Variants in PMVK observed in about 807,000 individuals in gnomAD.
PMVK encodes the protein phosphomevalonate kinase.
PMVK carries 10 observed loss-of-function variants against 19.0 expected under a neutral mutation model. That is an observed-to-expected ratio of 0.53 (90% CI 0.32 to 0.89). The LOEUF is 0.89. Ranked by LOEUF, PMVK falls within the 40% of genes least tolerant of loss-of-function variation. The pLI is 0.03. For synonymous variants in PMVK, 108 were observed against 101.6 expected (o/e 1.06, Z -0.38); for missense variants, 222 against 251.1 (o/e 0.88, Z 0.78).
At chr1:154,927,106 A>G (rs984675579) in intron 3 of PMVK, among the ~76,000 whole-genome samples, 1 of 150,810 alleles carries the variant, frequency 6.6e-6, no homozygotes, top group Non-Finnish European at 1.5e-5. Flanking sequence ...CCTTCTCTCC[A>G]CTCTACGTTT....
intron 2 of PMVK, among the ~76,000 whole-genome samples, chr1:154,930,667 A>C: frequency 7.0e-6 from 1 of 143,476 alleles, no homozygotes; most frequent in African/African-American, 2.6e-5. Flanking sequence ...CTTCCCCTTC[A>C]CCCCTTCCTT....
At chr1:154,937,178 T>C (rs891731910), upstream of PMVK, among the ~76,000 whole-genome samples, 1 of 152,190 alleles carries the variant, frequency 6.6e-6, no homozygotes. Context: ...AACTGCCCTT[T>C]TGCCTGTGCG....
At chr1:154,925,407 C>T (rs1654118438) in intron 4 of PMVK, 142 bp from the exon 5 acceptor site, 1 of 805,790 alleles carries the variant, frequency 1.2e-6, no homozygotes, top group Non-Finnish European at 2.0e-6. Context: ...CCAGAAGGCA[C>T]CTCCCTACCC....
chr1:154,930,858 G>C (rs986827738), intron 2 of PMVK, among the ~76,000 whole-genome samples: 1 of 152,162 alleles, frequency 6.6e-6, no homozygotes, highest in South Asian at 2.1e-4. Context: ...GCCATAGTGG[G>C]AGGATCACTT....
the PMVK span, among the ~76,000 whole-genome samples, chr1:154,942,174 C>G: frequency 1.3e-5 from 2 of 152,174 alleles, no homozygotes; most frequent in African/African-American, 2.4e-5. Flanking sequence ...GCGGAAAAGG[C>G]AGAAAGCCAA....
chr1:154,925,519 G>A (rs1310377352), intron 4 of PMVK, among the ~76,000 whole-genome samples: 1 of 152,236 alleles, frequency 6.6e-6, no homozygotes, highest in East Asian at 1.9e-4. Flanking sequence ...TACAGAGGGT[G>A]AATCGGGTCA....
rs777906705 is a variant in PMVK, at chr1:154,925,282, G to A, written c.443-17C>T. Reference sequence around the variant, plus strand: ...CGTCCACCCCTATGAAGGAAGCATGGTGAGGTCAGGCCTCAGCCCTCCAGA... The same window carrying A: ...CGTCCACCCCTATGAAGGAAGCATGATGAGGTCAGGCCTCAGCCCTCCAGA... On this transcript the variant is annotated splice_polypyrimidine_tract_variant and intron_variant, in intron 4 of 4. Coordinates refer to ENST00000368467, the MANE Select transcript of PMVK (RefSeq NM_006556.4). 6 of 1,613,742 alleles carry A rather than the reference G, an allele frequency of 3.7e-6. No individual in the cohort carries two copies. The Admixed American group carries it at 5.0e-5, about 13-fold the overall frequency.
intron 3 of PMVK, among the ~76,000 whole-genome samples, chr1:154,927,545 C>T (rs1654205905): frequency 6.6e-6 from 1 of 151,642 alleles, no homozygotes; most frequent in Non-Finnish European, 1.5e-5. Context: ...TATGGCCAGG[C>T]TTCTCAATCT....
At chr1:154,937,390 CGAG>C (rs1654544402), upstream of PMVK, 2 of 152,216 alleles carry the variant, frequency 1.3e-5, no homozygotes, top group Admixed American at 1.3e-4. Flanking sequence ...TTAAGCCCGG[CGAG>C]AAACCTTTGA....
At position 154,925,077 on chromosome 1, in the gene PMVK, T is replaced by TC; in HGVS notation, c.*51dup. ...CGGGGGACACCCCCATTTTGCAGAG[T>TC]CAGCCCCACCCCCACCTCAGCAGGC... is the stretch of plus-strand genomic sequence containing the variant. On this transcript the variant is annotated 3_prime_UTR_variant, in exon 5 of 5. Transcript: ENST00000368467. The TC allele has an allele frequency of 7.4e-7, 1 of 1,347,836 alleles. No individual in the cohort carries two copies. Among genetic ancestry groups the TC allele is most frequent in the South Asian group, 1.2e-5 (1 of 81,146 alleles). The allele number at this position is 1,347,836 out of a possible 1,614,324, so 83.5% of individuals were successfully genotyped here. A position where few individuals can be genotyped will look rare whatever the true frequency, so the allele number is the denominator to read the frequency against.
At chr1:154,933,735 G>A (rs865804964) in intron 1 of PMVK, among the ~76,000 whole-genome samples, 2 of 151,462 alleles carry the variant, frequency 1.3e-5, no homozygotes, top group South Asian at 2.1e-4. Flanking sequence ...CTCGTGATCC[G>A]CCCGCCTCAG....
chr1:154,936,804 C>A (rs1654523641), upstream of PMVK: 4 of 896,180 alleles, frequency 4.5e-6, no homozygotes, highest in Non-Finnish European at 6.9e-6. Flanking sequence ...AATCGCGCCC[C>A]TCCTCGCCGT....
At chr1:154,929,393 C>A (rs192117803) in intron 2 of PMVK, among the ~76,000 whole-genome samples, 12 of 152,278 alleles carry the variant, frequency 7.9e-5, no homozygotes, top group African/African-American at 2.6e-4. Flanking sequence ...TGGGGATAAT[C>A]CAGAAATTGT....
chr1:154,933,490 C>CTTTTT (rs397860434), intron 1 of PMVK, among the ~76,000 whole-genome samples: 3 of 113,990 alleles, frequency 2.6e-5, no homozygotes, highest in Non-Finnish European at 5.1e-5. Context: ...CTTAACCAAC[C>CTTTTT]TTTTTTTTTT....
chr1:154,936,732 C>T (rs1378820519), upstream of PMVK: 2 of 1,506,672 alleles, frequency 1.3e-6, no homozygotes, highest in Admixed American at 1.9e-5. Flanking sequence ...TTCTCCCTAC[C>T]CCTAAAATCG....
At chr1:154,934,552 G>A (rs1231948707) in intron 1 of PMVK, among the ~76,000 whole-genome samples, 1 of 152,096 alleles carries the variant, frequency 6.6e-6, no homozygotes, top group Non-Finnish European at 1.5e-5. Context: ...TTATTTTCAT[G>A]TTTCAGATGA....
upstream of PMVK, among the ~76,000 whole-genome samples, chr1:154,938,560 C>T (rs1315477802): frequency 6.6e-6 from 1 of 152,092 alleles, no homozygotes; most frequent in Non-Finnish European, 1.5e-5. Context: ...TGTACCACTG[C>T]GCTCCAGCCT....
upstream of PMVK, among the ~76,000 whole-genome samples, chr1:154,941,115 T>C (rs765349700): frequency 3.3e-5 from 5 of 152,190 alleles, no homozygotes; most frequent in Non-Finnish European, 7.4e-5. Context: ...ACTCTGGGGT[T>C]TCCGACTTCA....
intron 1 of PMVK, among the ~76,000 whole-genome samples, chr1:154,933,612 GC>G (rs1286961985): frequency 6.8e-6 from 1 of 147,050 alleles, no homozygotes; most frequent in Non-Finnish European, 1.5e-5. Flanking sequence ...TCCTGCCTCG[GC>G]CTCCCAAGTA....
Sources: gnomAD v4.1 joint callset for allele counts (sites outside exome capture counted in the v4.1 genomes callset) on GRCh38, gnomAD v4.1.1 for gene constraint, MANE v1.5 for transcripts, NCBI Gene and HGNC (gene_info 2026-07-23, HGNC 2026-07-21) for gene names.